The following LNP1 variants were observed in gnomAD, a reference collection of about 807,000 sequenced individuals.
LNP1 encodes the protein leukemia NUP98 fusion partner 1.
A neutral mutation model predicts 14.5 loss-of-function variants in LNP1; 12 were observed. The observed-to-expected ratio is 0.83, with a 90% CI of 0.53 to 1.34. The LOEUF is 1.34. LNP1 is among the 40% of genes most tolerant of loss of function. LNP1 has a pLI of 0.00. For missense variants in LNP1, 198 were observed against 210.9 expected, an observed-to-expected ratio of 0.94 and a Z score of 0.38; for synonymous variants, 75 against 71.4, an observed-to-expected ratio of 1.05 and a Z score of -0.26.
At chr3:100,424,986 A>G (rs1201699227) in intron 1 of LNP1, among the ~76,000 whole-genome samples, 2 of 152,192 alleles carry the variant, frequency 1.3e-5, no homozygotes, top group Non-Finnish European at 2.9e-5. Context: ...CTTTCTCCTT[A>G]AGGTTTTGTA....
intron 1 of LNP1, among the ~76,000 whole-genome samples, chr3:100,421,503 G>C (rs1707143212): frequency 6.6e-6 from 1 of 152,166 alleles, no homozygotes; most frequent in East Asian, 1.9e-4. Flanking sequence ...ATTTTGAGAA[G>C]TTTCCTGTGT....
At chr3:100,447,165 C>A (rs551448744) in intron 2 of LNP1, among the ~76,000 whole-genome samples, 2 of 152,268 alleles carry the variant, frequency 1.3e-5, no homozygotes, top group South Asian at 4.1e-4. Context: ...TTTATTATGG[C>A]ACTATTCACA....
chr3:100,416,010 G>A (rs1334188936), intron 1 of LNP1, among the ~76,000 whole-genome samples: 5 of 152,158 alleles, frequency 3.3e-5, no homozygotes, highest in African/African-American at 1.2e-4. Flanking sequence ...TGTTTTCTAA[G>A]TTTCTTGTAA....
At chr3:100,409,609 T>A (rs199497603) in intron 1 of LNP1, among the ~76,000 whole-genome samples, 20,380 of 124,378 alleles carry the variant, frequency 0.16, 2,305 homozygotes, top group East Asian at 0.54. Flanking sequence ...TATATATATT[T>A]TTTTTTTTTT....
intron 1 of LNP1, among the ~76,000 whole-genome samples, chr3:100,404,388 T>C (rs1442415455): frequency 6.6e-6 from 1 of 152,212 alleles, no homozygotes; most frequent in Non-Finnish European, 1.5e-5. Context: ...ATTTATGATG[T>C]CCAATATGGT....
intron 1 of LNP1, among the ~76,000 whole-genome samples, chr3:100,415,391 A>G (rs181690284): frequency 1.9e-3 from 289 of 152,362 alleles, no homozygotes; most frequent in African/African-American, 6.6e-3. Flanking sequence ...AACATCCTTA[A>G]TCTCACCAAT....
At chr3:100,417,590 G>C (rs1011154001) in intron 1 of LNP1, among the ~76,000 whole-genome samples, 2 of 151,656 alleles carry the variant, frequency 1.3e-5, no homozygotes, top group African/African-American at 4.8e-5. Flanking sequence ...TGTTGGTCAG[G>C]CCGGTCTTGA....
intron 1 of LNP1, among the ~76,000 whole-genome samples, chr3:100,403,630 A>AT (rs1455586323): frequency 6.6e-6 from 1 of 152,094 alleles, no homozygotes; most frequent in Non-Finnish European, 1.5e-5. Flanking sequence ...TGCCAGGCTA[A>AT]TTTTTTGTAT....
At chr3:100,430,551 A>G (rs1026526558) in intron 2 of LNP1, among the ~76,000 whole-genome samples, 1 of 152,190 alleles carries the variant, frequency 6.6e-6, no homozygotes, top group Non-Finnish European at 1.5e-5. Context: ...TCTCTGCTCT[A>G]CTGGCATGCT....
Position 100,451,851 on chromosome 3 carries a change from C to A in LNP1, c.289C>A (p.Pro97Thr). 3 of 1,222,106 alleles carry A rather than the reference C, an allele frequency of 2.5e-6. No individual in the cohort carries two copies. The highest frequency in any genetic ancestry group is 2.1e-6 in the Non-Finnish European group (2 of 967,662). The allele number at this position is 1,222,106 out of a possible 1,614,324, so 75.7% of individuals were successfully genotyped here. A position where few individuals can be genotyped will look rare whatever the true frequency, so the allele number is the denominator to read the frequency against. Reference sequence around the variant, plus strand: ...CTCAGAGGATGGGTCATTCAAGGAGCCACTGGAATCAAAAGGAAGATCCCA... The same window carrying A: ...CTCAGAGGATGGGTCATTCAAGGAGACACTGGAATCAAAAGGAAGATCCCA... Reference protein sequence around the residue: ...KYSEDGSFKEPLESKGRSHSK... With the variant: ...KYSEDGSFKETLESKGRSHSK... The change falls in exon 3 of 4, where the codon CCA becomes ACA. Residue 97 changes from proline (P) to threonine (T), a missense_variant. Coordinates refer to ENST00000383693, the MANE Select transcript of LNP1 (RefSeq NM_001085451.2).
rs201178102 is a variant in LNP1, at chr3:100,412,294, G to A, written c.-34+9855G>A. On this transcript the variant is annotated intron_variant, in intron 1 of 3. Transcript: ENST00000383693. ...CTCTAGAGAGCAAGAACTCACTACC[G>A]TGAGAATAGCACCAAGCAAAAGGGA... 5.3e-5 allele frequency among the ~76,000 whole-genome samples: 8 copies of A among 152,228 alleles called. No individual in the cohort carries two copies. The East Asian group carries it at 9.7e-4, about 18-fold the overall frequency.
At chr3:100,450,882 AAAATAAAT>A (rs202009335) in intron 2 of LNP1, among the ~76,000 whole-genome samples, 2 of 152,072 alleles carry the variant, frequency 1.3e-5, no homozygotes, top group African/African-American at 4.8e-5. Flanking sequence ...TAAAACTCCA[AAAATAAAT>A]AAATAAATAA....
intron 1 of LNP1, among the ~76,000 whole-genome samples, chr3:100,405,761 C>T (rs1488844250): frequency 6.6e-6 from 1 of 152,092 alleles, no homozygotes; most frequent in Non-Finnish European, 1.5e-5. Context: ...TATTTGCTTG[C>T]TTCCCAGATA....
rs565769310 is a variant in LNP1 at position 100,418,059 on chromosome 3, A to ACT, written c.-33-11638_-33-11637insCT. Among the ~76,000 whole-genome samples, 491 of 115,508 alleles carry ACT rather than the reference A, an allele frequency of 4.3e-3. 53 individuals carry two copies. Among genetic ancestry groups the ACT allele is most frequent in the African/African-American group, 5.6e-3 (171 of 30,780 alleles). 75.8% of individuals were successfully genotyped at this position (115,508 alleles called of 152,430 possible). A position where few individuals can be genotyped will look rare whatever the true frequency, so the allele number is the denominator to read the frequency against. ...GTTTTGTTCTTTCATTTCTCATACC[A>ACT]TTTTTTTTTTTTTTTTTTGAGATGG... On this transcript the variant is annotated intron_variant, in intron 1 of 3. Transcript: ENST00000383693.
chr3:100,406,341 G>A (rs1200522135), intron 1 of LNP1, among the ~76,000 whole-genome samples: 1 of 151,860 alleles, frequency 6.6e-6, no homozygotes, highest in Non-Finnish European at 1.5e-5. Context: ...TAAAAAAATA[G>A]TGTGATCCCC....
chr3:100,455,642 A>C (rs1707502703), intron 3 of LNP1, 135 bp from the exon 4 acceptor site: 1 of 820,202 alleles, frequency 1.2e-6, no homozygotes, highest in Non-Finnish European at 2.0e-6. Flanking sequence ...GGTTTATGCT[A>C]ATTTATTTCT....
At chr3:100,421,694 GT>G (rs1391308088) in intron 1 of LNP1, among the ~76,000 whole-genome samples, 1 of 151,984 alleles carries the variant, frequency 6.6e-6, no homozygotes, top group Non-Finnish European at 1.5e-5. Context: ...CTACCCACTT[GT>G]AAAAAAGAGA....
intron 1 of LNP1, among the ~76,000 whole-genome samples, chr3:100,414,193 C>T (rs1707058044): frequency 6.6e-6 from 1 of 152,102 alleles, no homozygotes; most frequent in South Asian, 2.1e-4. Flanking sequence ...ACAGAGATTA[C>T]TCCGTGTTAT....
rs1707508188 is a variant in LNP1 at position 100,456,068 on chromosome 3, T to G, written c.*142T>G. On this transcript the variant is annotated 3_prime_UTR_variant, in exon 4 of 4. Coordinates refer to ENST00000383693, the MANE Select transcript of LNP1 (RefSeq NM_001085451.2). Reference sequence around the variant, plus strand: ...AAAGCAACTGCAGATGCTGACTGACTGCAGTGGGCAGGGTATGTAGCTGCT... The same window carrying G: ...AAAGCAACTGCAGATGCTGACTGACGGCAGTGGGCAGGGTATGTAGCTGCT... 3 of 787,292 alleles carry G rather than the reference T, an allele frequency of 3.8e-6. No individual in the cohort carries two copies. Among genetic ancestry groups the G allele is most frequent in the Admixed American group, 5.4e-5 (2 of 37,160 alleles). The allele number at this position is 787,292 out of a possible 1,614,324, so 48.8% of individuals were successfully genotyped here.
Sources: gnomAD v4.1 joint callset for allele counts (sites outside exome capture counted in the v4.1 genomes callset) on GRCh38, gnomAD v4.1.1 for gene constraint, MANE v1.5 for transcripts, NCBI Gene and HGNC (gene_info 2026-07-23, HGNC 2026-07-21) for gene names.